TMEM244: variants seen among roughly 807,000 people sequenced by gnomAD.
The protein encoded by TMEM244 is transmembrane protein 244.
A neutral mutation model predicts 15.8 loss-of-function variants in TMEM244; 13 were observed. The ratio of observed to expected loss-of-function variants is 0.82; its 90% CI spans 0.53 to 1.30. The LOEUF (loss-of-function observed/expected upper bound fraction) is 1.30. Among genes scored for constraint, TMEM244 ranks in the 50% most tolerant of loss-of-function variants. The pLI is 0.00. For synonymous variants in TMEM244, 45 were observed against 48.7 expected (o/e 0.92, Z 0.32); for missense variants, 161 against 144.9 (o/e 1.11, Z -0.57).
chr6:129,847,757 GTTTCTTT>G (rs1349026540), intron 1 of TMEM244, among the ~76,000 whole-genome samples: 23 of 148,540 alleles, frequency 1.5e-4, no homozygotes, highest in African/African-American at 2.2e-4. Flanking sequence ...CACATTCCTT[GTTTCTTT>G]TTTCTTTTTT....
rs906573530 is a variant in TMEM244, at chr6:129,854,207, G to T, written c.33+6949C>A. Among the ~76,000 whole-genome samples the T allele has an allele frequency of 5.3e-5, 8 of 152,052 alleles. 1 individual carries two copies. The highest frequency in any genetic ancestry group is 1.0e-4 in the Non-Finnish European group (7 of 68,004). ...CTGGTGTGGTTCCTGGCACACAGTA[G>T]GTATTCAAAGAATATAAGTTGTTGG... On this transcript the variant is annotated intron_variant, in intron 1 of 4. Coordinates refer to ENST00000368143, the MANE Select transcript of TMEM244 (RefSeq NM_001010876.2).
chr6:129,857,367 T>C (rs1468313790), intron 1 of TMEM244, among the ~76,000 whole-genome samples: 1 of 151,716 alleles, frequency 6.6e-6, no homozygotes, highest in Non-Finnish European at 1.5e-5. Context: ...TATAAATTAT[T>C]TTTTTTGAGA....
intron 3 of TMEM244, among the ~76,000 whole-genome samples, chr6:129,835,516 C>T (rs1776392076): frequency 6.6e-6 from 1 of 152,018 alleles, no homozygotes; most frequent in African/African-American, 2.4e-5. Context: ...TTCTGCATTT[C>T]CAATTAAGGT....
intron 2 of TMEM244, 102 bp downstream of exon 2, chr6:129,845,665 C>A: frequency 2.2e-6 from 2 of 895,684 alleles, no homozygotes; most frequent in South Asian, 1.5e-5. Flanking sequence ...TAAAAAAATC[C>A]ACATCCTCTA....
intron 4 of TMEM244, 95 bp from the exon 5 acceptor site, chr6:129,831,481 A>G: frequency 1.2e-6 from 1 of 839,964 alleles, no homozygotes; most frequent in Non-Finnish European, 2.0e-6. Context: ...TATCCACTCA[A>G]CAAGAGAAGG....
chr6:129,837,495 G>C (rs1016069965), intron 3 of TMEM244, among the ~76,000 whole-genome samples: 1 of 152,126 alleles, frequency 6.6e-6, no homozygotes, highest in Non-Finnish European at 1.5e-5. Context: ...GACTTTAGAC[G>C]CTATGAAGAA....
At chr6:129,836,593 C>A (rs925164371) in intron 3 of TMEM244, among the ~76,000 whole-genome samples, 29 of 152,142 alleles carry the variant, frequency 1.9e-4, no homozygotes, top group Admixed American at 1.2e-3. Flanking sequence ...CAGAAGTAGG[C>A]TTCAGAAACC....
chr6:129,858,147 T>C (rs145197211), intron 1 of TMEM244, among the ~76,000 whole-genome samples: 80 of 152,300 alleles, frequency 5.3e-4, no homozygotes, highest in African/African-American at 1.9e-3. Flanking sequence ...TTTAGATTTT[T>C]CTGTATTCAT....
intron 1 of TMEM244, among the ~76,000 whole-genome samples, chr6:129,848,403 T>C (rs1425655869): frequency 6.6e-6 from 1 of 152,182 alleles, no homozygotes; most frequent in Non-Finnish European, 1.5e-5. Flanking sequence ...GGTTTTAACA[T>C]GTCAGGTTTA....
intron 3 of TMEM244, among the ~76,000 whole-genome samples, chr6:129,837,759 G>A (rs1006270477): frequency 9.9e-5 from 15 of 150,930 alleles, no homozygotes; most frequent in African/African-American, 3.4e-4. Flanking sequence ...AGCAAAAAAA[G>A]CGGGTTACAA....
At chr6:129,857,675 A>G (rs370677870) in intron 1 of TMEM244, among the ~76,000 whole-genome samples, 1 of 152,070 alleles carries the variant, frequency 6.6e-6, no homozygotes. Context: ...ATATGTTTAG[A>G]TAGTAGTGGA....
intron 1 of TMEM244, 95 bp from the exon 2 acceptor site, chr6:129,845,947 T>C (rs985228586): frequency 1.2e-5 from 10 of 805,324 alleles, no homozygotes; most frequent in Non-Finnish European, 1.4e-5. Flanking sequence ...GATTACTAGA[T>C]AGTGTTGGCT....
intron 1 of TMEM244, among the ~76,000 whole-genome samples, chr6:129,850,510 C>G (rs1267089730): frequency 6.6e-6 from 1 of 152,128 alleles, no homozygotes; most frequent in African/African-American, 2.4e-5. Context: ...AATTTTCCAA[C>G]CCAATTTTAT....
intron 2 of TMEM244, among the ~76,000 whole-genome samples, chr6:129,845,018 T>C (rs1584186956): frequency 6.6e-6 from 1 of 152,162 alleles, no homozygotes; most frequent in Non-Finnish European, 1.5e-5. Context: ...GAGACAAAAT[T>C]CAACCATAGC....
At chr6:129,856,971 T>G (rs953438787) in intron 1 of TMEM244, among the ~76,000 whole-genome samples, 1 of 152,058 alleles carries the variant, frequency 6.6e-6, no homozygotes, top group Non-Finnish European at 1.5e-5. Flanking sequence ...ACAGAAGTGT[T>G]AATCATATAG....
chr6:129,843,083 G>C (rs1197026904), intron 3 of TMEM244, among the ~76,000 whole-genome samples: 1 of 152,014 alleles, frequency 6.6e-6, no homozygotes, highest in Non-Finnish European at 1.5e-5. Flanking sequence ...ATAACAGTTT[G>C]TTGCATAATT....
intron 4 of TMEM244, 38 bp from the exon 5 acceptor site, chr6:129,831,424 G>A (rs377262675): frequency 3.0e-5 from 42 of 1,387,524 alleles, no homozygotes; most frequent in African/African-American, 1.4e-4. Context: ...CAAAACATGC[G>A]TTTTTATATT....
chr6:129,840,143 C>T (rs961291063), intron 3 of TMEM244, among the ~76,000 whole-genome samples: 13 of 152,168 alleles, frequency 8.5e-5, no homozygotes, highest in African/African-American at 2.9e-4. Flanking sequence ...GCAAAAAGAA[C>T]AAAGCTGGAG....
At chr6:129,834,879 G>A (rs139021821) in intron 3 of TMEM244, among the ~76,000 whole-genome samples, 20 of 152,224 alleles carry the variant, frequency 1.3e-4, no homozygotes, top group Non-Finnish European at 2.6e-4. Context: ...ATTATTGTAG[G>A]GAAACAGAGA....
Sources: allele counts gnomAD v4.1 joint callset (sites outside exome capture counted in the v4.1 genomes callset), GRCh38; gene constraint gnomAD v4.1.1; transcripts MANE v1.5; gene names NCBI Gene and HGNC (gene_info 2026-07-23, HGNC 2026-07-21).